The following DISC1 variants were observed in gnomAD, a reference collection of about 807,000 sequenced individuals.
DISC1 encodes the protein disrupted in schizophrenia 1 protein.
Under a neutral mutation model 84.5 loss-of-function variants are expected in DISC1, and 57 were observed. The ratio of observed to expected loss-of-function variants is 0.67; its 90% CI spans 0.55 to 0.84. DISC1 has a LOEUF of 0.84. Ranked by LOEUF, DISC1 falls within the 40% of genes least tolerant of loss-of-function variation. The probability of loss-of-function intolerance (pLI) is 0.00; values close to 1 mark genes in which losing one functional copy is unlikely to be tolerated. For missense variants in DISC1, 1,000 were observed against 1,057.8 expected, an observed-to-expected ratio of 0.95 and a Z score of 0.76; for synonymous variants, 411 against 415.2, an observed-to-expected ratio of 0.99 and a Z score of 0.12.
intron 10 of DISC1, among the ~76,000 whole-genome samples, chr1:231,963,616 A>G (rs1271931695): frequency 6.6e-6 from 1 of 152,112 alleles, no homozygotes; most frequent in Non-Finnish European, 1.5e-5. Context: ...AAGACTGAGT[A>G]ATGTGCTTGC....
chr1:231,695,299 C>T (rs1249878460), intron 2 of DISC1, among the ~76,000 whole-genome samples: 1 of 152,220 alleles, frequency 6.6e-6, no homozygotes, highest in Non-Finnish European at 1.5e-5. Flanking sequence ...GTCATTGAAC[C>T]TCTTTGGCTC....
intron 6 of DISC1, among the ~76,000 whole-genome samples, chr1:231,790,135 C>G (rs1451064397): frequency 6.6e-6 from 1 of 152,148 alleles, no homozygotes; most frequent in African/African-American, 2.4e-5. Context: ...AACCGTCAGT[C>G]TGAAGAAAAC....
chr1:231,859,033 C>CTCACG (rs1257229221), intron 9 of DISC1, among the ~76,000 whole-genome samples: 2 of 152,204 alleles, frequency 1.3e-5, no homozygotes, highest in Admixed American at 6.5e-5. Context: ...GGTGTCTGAG[C>CTCACG]TCACGGTCTC....
intron 10 of DISC1, among the ~76,000 whole-genome samples, chr1:231,981,144 A>G (rs143608143): frequency 5.6e-4 from 86 of 152,240 alleles, no homozygotes; most frequent in African/African-American, 2.0e-3. Context: ...GGGTCTTGCA[A>G]TGTTGTTGAG....
At chr1:231,801,553 T>C (rs1406668464) in intron 8 of DISC1, among the ~76,000 whole-genome samples, 1 of 152,210 alleles carries the variant, frequency 6.6e-6, no homozygotes, top group Non-Finnish European at 1.5e-5. Flanking sequence ...CCTGATCTGC[T>C]GAAGGATGAC....
At chr1:232,007,770 G>T (rs1222760319) in intron 10 of DISC1, among the ~76,000 whole-genome samples, 1 of 152,106 alleles carries the variant, frequency 6.6e-6, no homozygotes, top group Non-Finnish European at 1.5e-5. Flanking sequence ...TTTGAGAGGG[G>T]CTGGGGTGAA....
chr1:231,957,991 T>C (rs1250172748), intron 9 of DISC1, among the ~76,000 whole-genome samples: 4 of 152,134 alleles, frequency 2.6e-5, no homozygotes, highest in East Asian at 1.9e-4. Flanking sequence ...ATAAAAACAA[T>C]GATAAAACCC....
chr1:231,763,474 A>AAGGTCACC lies in DISC1; in HGVS notation c.1269-3665_1269-3664insGGTCACCA, dbSNP rs1251600783. 2.0e-5 allele frequency among the ~76,000 whole-genome samples: 3 copies of AAGGTCACC among 152,244 alleles called. No homozygotes were observed. The East Asian group carries it at 5.8e-4, about 29-fold the overall frequency. On this transcript the variant is annotated intron_variant, in intron 4 of 12. Transcript: ENST00000439617. ...ATTTCTAAATTATGTCATATGTTACAATAAGTGACCTTTAAGATTATTCAG... is the reference window on the plus strand; with the variant it reads ...ATTTCTAAATTATGTCATATGTTACAAGGTCACCATAAGTGACCTTTAAGATTATTCAG...
intron 2 of DISC1, among the ~76,000 whole-genome samples, chr1:231,695,957 A>G (rs1187289996): frequency 6.6e-6 from 1 of 152,168 alleles, no homozygotes; most frequent in Admixed American, 6.5e-5. Context: ...CAGAGCACAG[A>G]TGCAGGCTTG....
chr1:231,652,098 A>C (rs1006696625), intron 1 of DISC1, among the ~76,000 whole-genome samples: 1 of 151,874 alleles, frequency 6.6e-6, no homozygotes, highest in Non-Finnish European at 1.5e-5. Context: ...GGCTGCACCC[A>C]CTCTCCAACC....
At chr1:231,901,239 A>G (rs1190751040) in intron 9 of DISC1, among the ~76,000 whole-genome samples, 1 of 152,218 alleles carries the variant, frequency 6.6e-6, no homozygotes, top group African/African-American at 2.4e-5. Flanking sequence ...TCAATTTCAG[A>G]ATATGGTTAG....
intron 9 of DISC1, among the ~76,000 whole-genome samples, chr1:231,932,084 G>A (rs1054937774): frequency 5.3e-5 from 8 of 152,192 alleles, no homozygotes; most frequent in African/African-American, 1.9e-4. Flanking sequence ...TTAACTCAGT[G>A]TCAGGACTTT....
chr1:231,705,025 A>G (rs1480465634), intron 3 of DISC1, among the ~76,000 whole-genome samples: 1 of 151,920 alleles, frequency 6.6e-6, no homozygotes, highest in Non-Finnish European at 1.5e-5. Flanking sequence ...AAAGCTATAC[A>G]TAATATGTCC....
intron 11 of DISC1, among the ~76,000 whole-genome samples, chr1:232,023,211 T>C (rs755736668): frequency 1.6e-4 from 24 of 152,222 alleles, no homozygotes; most frequent in Non-Finnish European, 1.5e-5. Flanking sequence ...TTTGATGCTT[T>C]GCCTATTTGA....
intron 9 of DISC1, among the ~76,000 whole-genome samples, chr1:231,895,775 A>G (rs1014167428): frequency 6.6e-6 from 1 of 152,058 alleles, no homozygotes; most frequent in Non-Finnish European, 1.5e-5. Context: ...CCATCTTCTT[A>G]TTCTCCCTGG....
intron 1 of DISC1, among the ~76,000 whole-genome samples, chr1:231,657,098 C>T (rs1036469174): frequency 7.2e-5 from 11 of 152,174 alleles, no homozygotes; most frequent in African/African-American, 2.4e-4. Flanking sequence ...AATGAACATA[C>T]ACATGCATGT....
chr1:232,009,389 A>G lies in DISC1; in HGVS notation c.2307+340A>G. 1 of 777,522 alleles carries G rather than the reference A, an allele frequency of 1.3e-6. No homozygotes were observed. Among genetic ancestry groups the G allele is most frequent in the Non-Finnish European group, 1.6e-6 (1 of 628,572 alleles). 48.2% of individuals were successfully genotyped at this position (777,522 alleles called of 1,614,324 possible). On this transcript the variant is annotated intron_variant, in intron 11 of 12. Transcript: ENST00000439617. This position sits in a 1 kb window ranked among gnomAD's most constrained non-coding sequence, Gnocchi z 4.6. ...AATATAGTTATTATATTCACTATAG[A>G]TTATATATGCCATACATGATATTTA...
intron 6 of DISC1, among the ~76,000 whole-genome samples, chr1:231,773,466 C>G (rs572850841): frequency 6.6e-6 from 1 of 152,144 alleles, no homozygotes; most frequent in Non-Finnish European, 1.5e-5. Context: ...CTCACTGCAA[C>G]CTCCGCCTCC....
chr1:231,874,650 G>A (rs1322909666), intron 9 of DISC1, among the ~76,000 whole-genome samples: 7 of 151,802 alleles, frequency 4.6e-5, no homozygotes, highest in African/African-American at 1.5e-4. Flanking sequence ...GGTGGCTCAC[G>A]CCTGTAATCC....
Sources: gnomAD v4.1 joint callset for allele counts (sites outside exome capture counted in the v4.1 genomes callset) on GRCh38, gnomAD v4.1.1 for gene constraint, Gnocchi (gnomAD v3.1) non-coding constraint, MANE v1.5 for transcripts, NCBI Gene and HGNC (gene_info 2026-07-23, HGNC 2026-07-21) for gene names.